The following PRKAR1A variants were observed in gnomAD, a reference collection of about 807,000 sequenced individuals.
PRKAR1A encodes the protein protein kinase cAMP-dependent type I regulatory subunit alpha.
A neutral mutation model predicts 52.0 loss-of-function variants in PRKAR1A; 3 were observed. The ratio of observed to expected loss-of-function variants is 0.06; its 90% CI spans 0.03 to 0.15. The LOEUF is 0.15. Ranked by LOEUF, PRKAR1A falls within the 10% of genes least tolerant of loss-of-function variation. The probability of loss-of-function intolerance (pLI) is 1.00; values close to 1 mark genes in which losing one functional copy is unlikely to be tolerated. For synonymous variants in PRKAR1A, 188 were observed against 168.4 expected, an observed-to-expected ratio of 1.12 and a Z score of -0.90; for missense variants, 240 against 477.4, an observed-to-expected ratio of 0.50 and a Z score of 4.63.
chr17:68,445,739 G>A, the PRKAR1A span, among the ~76,000 whole-genome samples: 1 of 152,210 alleles, frequency 6.6e-6, no homozygotes, highest in Non-Finnish European at 1.5e-5. Flanking sequence ...TACAAGGGCA[G>A]ACATCGGTGC....
At chr17:68,485,039 GTTTTAC>G in the PRKAR1A span, among the ~76,000 whole-genome samples, 771 of 152,324 alleles carry the variant, frequency 5.1e-3, 5 homozygotes, top group Non-Finnish European at 8.7e-3. Flanking sequence ...GATGTTATCT[GTTTTAC>G]CAAGGACTCA....
downstream of PRKAR1A, chr17:68,537,029 A>G (rs754267824): frequency 2.0e-5 from 9 of 455,668 alleles, no homozygotes; most frequent in Non-Finnish European, 3.9e-5. The surrounding 1 kb of genome is among the most constrained non-coding windows in gnomAD (Gnocchi z 4.2). Context: ...CAAAGTGCAG[A>G]TTTTTAGTCA....
At chr17:68,523,992 C>T (rs373492898) in intron 4 of PRKAR1A, 24 bp from the exon 5 acceptor site, 15 of 1,613,010 alleles carry the variant, frequency 9.3e-6, no homozygotes, top group Non-Finnish European at 1.1e-5. Context: ...TGAAATGTAA[C>T]ACGAGGCCTT....
chr17:68,542,126 C>G (rs1191865151), intron 11 of PRKAR1A: 1 of 1,614,076 alleles, frequency 6.2e-7, no homozygotes, highest in African/African-American at 1.3e-5. Flanking sequence ...CTCCGTCTTG[C>G]ACATGTATGG....
chr17:68,419,833 C>G, the PRKAR1A span, among the ~76,000 whole-genome samples: 2 of 151,666 alleles, frequency 1.3e-5, no homozygotes, highest in Non-Finnish European at 2.9e-5. Flanking sequence ...TGGTGCATGC[C>G]TGTAGCCCCA....
the PRKAR1A span, among the ~76,000 whole-genome samples, chr17:68,458,913 T>TTATG: frequency 6.6e-6 from 1 of 152,208 alleles, no homozygotes; most frequent in Non-Finnish European, 1.5e-5. Flanking sequence ...AATACCCAGT[T>TTATG]TATGACAAAG....
chr17:68,492,033 T>G, the PRKAR1A span, among the ~76,000 whole-genome samples: 1 of 152,196 alleles, frequency 6.6e-6, no homozygotes, highest in African/African-American at 2.4e-5. Flanking sequence ...AAACCAAGTA[T>G]AAATCTCAGG....
chr17:68,548,861 C>T (rs1051994363), intron 11 of PRKAR1A, among the ~76,000 whole-genome samples: 1 of 150,720 alleles, frequency 6.6e-6, no homozygotes, highest in African/African-American at 2.4e-5. Context: ...GCCTCCCGAG[C>T]AGCTGGGACT....
chr17:68,515,500 C>G lies in PRKAR1A; in HGVS notation c.101C>G (p.Ser34Cys), dbSNP rs944887425. The G allele has an allele frequency of 2.5e-5, 41 of 1,613,282 alleles. No homozygotes were observed. Among genetic ancestry groups the G allele is most frequent in the Non-Finnish European group, 3.2e-5 (38 of 1,180,040 alleles). ...AACATTCAAGCGCTGCTCAAAGATTCTATTGTGCAGTTGTGCACTGCTCGA... is the reference window on the plus strand; with the variant it reads ...AACATTCAAGCGCTGCTCAAAGATTGTATTGTGCAGTTGTGCACTGCTCGA... ...KHNIQALLKD[S>C]IVQLCTARPE... Residue 34 changes from serine to cysteine, a missense_variant, in exon 2 of 11, where the codon TCT (serine) becomes TGT (cysteine). Around this residue, in one of 4 missense-constraint regions of PRKAR1A, gnomAD observed 107 missense variants for 114.6 expected, o/e 0.93. Transcript: ENST00000589228.
chr17:68,517,721 C>T (rs891278193), intron 2 of PRKAR1A, among the ~76,000 whole-genome samples: 2 of 152,140 alleles, frequency 1.3e-5, no homozygotes, highest in Non-Finnish European at 1.5e-5. Flanking sequence ...ACCTCTGGCC[C>T]CTCCCAGATC....
chr17:68,426,254 G>GGGCCCCCC, the PRKAR1A span: 3 of 816,880 alleles, frequency 3.7e-6, no homozygotes, highest in Non-Finnish European at 5.8e-6. Context: ...GGGAGCGGGG[G>GGGCCCCCC]CTCAAATAAA....
At chr17:68,453,485 T>C in the PRKAR1A span, among the ~76,000 whole-genome samples, 1 of 150,650 alleles carries the variant, frequency 6.6e-6, no homozygotes, top group Non-Finnish European at 1.5e-5. Context: ...TTTCCTTTTT[T>C]TTTTTTTTTT....
the PRKAR1A span, among the ~76,000 whole-genome samples, chr17:68,465,075 G>T: frequency 8.3e-6 from 1 of 120,630 alleles, no homozygotes; most frequent in Non-Finnish European, 1.8e-5. Context: ...ACAGGCGCCC[G>T]CCACCACGCC....
rs773746028 is a variant in PRKAR1A, at chr17:68,529,931, T to G, written c.903T>G (p.Ala301=). ...TGATTTTATTATAGGGGTCAGCTGC[T>G]GTGCTACAACGTCGGTCAGAAAATG... is the stretch of plus-strand genomic sequence containing the variant. ...EFFIILEGSA[A]VLQRRSENEE... Residue 301 remains alanine (A), a synonymous_variant, in exon 10 of 11, where the codon GCT becomes GCG. Coordinates refer to ENST00000589228, the MANE Select transcript of PRKAR1A (RefSeq NM_002734.5). 1 of 1,614,106 alleles carries G rather than the reference T, an allele frequency of 6.2e-7. No homozygotes were observed. Among genetic ancestry groups the G allele is most frequent in the Admixed American group, 1.7e-5 (1 of 60,024 alleles).
the PRKAR1A span, among the ~76,000 whole-genome samples, chr17:68,494,262 G>C: frequency 6.6e-6 from 1 of 152,206 alleles, no homozygotes; most frequent in East Asian, 1.9e-4. Context: ...AATATGGGCC[G>C]AGTGTGGTGG....
At chr17:68,461,911 G>A in the PRKAR1A span, among the ~76,000 whole-genome samples, 1 of 152,182 alleles carries the variant, frequency 6.6e-6, no homozygotes, top group Non-Finnish European at 1.5e-5. The surrounding 1 kb of genome is among the most constrained non-coding windows in gnomAD (Gnocchi z 4.6). Context: ...CCAGAAGTCT[G>A]GCCGAGCAGC....
At chr17:68,426,253 G>GGGGGGTGGGGT in the PRKAR1A span, 1 of 841,018 alleles carries the variant, frequency 1.2e-6, no homozygotes, top group Non-Finnish European at 1.9e-6. Flanking sequence ...GGGGAGCGGG[G>GGGGGGTGGGGT]GCTCAAATAA....
intron 7 of PRKAR1A, 41 bp downstream of exon 7, chr17:68,525,953 C>T (rs1415858018): frequency 2.1e-5 from 34 of 1,601,758 alleles, no homozygotes; most frequent in Non-Finnish European, 2.9e-5. Flanking sequence ...TTAGAATTCT[C>T]ATCTACGTAA....
At chr17:68,458,188 A>G in the PRKAR1A span, among the ~76,000 whole-genome samples, 1 of 152,164 alleles carries the variant, frequency 6.6e-6, no homozygotes, top group African/African-American at 2.4e-5. Context: ...AACCCTCACT[A>G]CTTGCCAAGC....
Sources: allele counts gnomAD v4.1 joint callset (sites outside exome capture counted in the v4.1 genomes callset), GRCh38; gene constraint gnomAD v4.1.1; regional missense constraint gnomAD v4.1.1; non-coding constraint Gnocchi (gnomAD v3.1); transcripts MANE v1.5; gene names NCBI Gene and HGNC (gene_info 2026-07-23, HGNC 2026-07-21).